Variants in TP63 observed in about 807,000 individuals in gnomAD.
TP63 encodes tumor protein p63, also known as tumor protein 63.
TP63 carries 17 observed loss-of-function variants against 82.8 expected under a neutral mutation model. That is an observed-to-expected ratio of 0.21 (90% CI 0.14 to 0.31). The LOEUF is 0.31. TP63 is among the 10% of genes least tolerant of loss of function. The pLI, the probability that TP63 is intolerant of heterozygous loss-of-function variation, is 1.00. For missense variants in TP63, 648 were observed against 895.3 expected (o/e 0.72, Z 3.52); for synonymous variants, 330 against 321.7 (o/e 1.03, Z -0.28).
chr3:189,704,268 A>G (rs1226099134), intron 1 of TP63, among the ~76,000 whole-genome samples: 3 of 152,116 alleles, frequency 2.0e-5, no homozygotes, highest in Non-Finnish European at 2.9e-5. Flanking sequence ...GGTTTGTGCT[A>G]TTTTTCTTTC....
intron 10 of TP63, among the ~76,000 whole-genome samples, chr3:189,876,468 T>G (rs891415579): frequency 3.9e-5 from 6 of 152,188 alleles, no homozygotes; most frequent in African/African-American, 1.4e-4. Context: ...ATATTTACAC[T>G]TTTTTGCATG....
chr3:189,634,449 C>CT (rs943488736), intron 1 of TP63, among the ~76,000 whole-genome samples: 25 of 142,182 alleles, frequency 1.8e-4, no homozygotes, highest in Non-Finnish European at 3.2e-4. Context: ...TAATCATTCT[C>CT]TAAGTTAAAA....
chr3:189,853,983 A>T (rs1373566068), intron 4 of TP63, among the ~76,000 whole-genome samples: 1 of 151,996 alleles, frequency 6.6e-6, no homozygotes, highest in Non-Finnish European at 1.5e-5. Context: ...CTTTCAATTT[A>T]TTTTATATTT....
At chr3:189,797,997 C>T (rs1342467698) in intron 3 of TP63, among the ~76,000 whole-genome samples, 1 of 151,980 alleles carries the variant, frequency 6.6e-6, no homozygotes, top group East Asian at 1.9e-4. Context: ...TTCCTCATTG[C>T]TCTCTGTGTA....
At chr3:189,717,724 A>C (rs147249518) in intron 1 of TP63, among the ~76,000 whole-genome samples, 3 of 152,324 alleles carry the variant, frequency 2.0e-5, no homozygotes, top group South Asian at 2.1e-4. Flanking sequence ...GCTTGAGGAT[A>C]TCTCTTCTGT....
At chr3:189,597,714 C>G in the TP63 span, among the ~76,000 whole-genome samples, 3 of 152,072 alleles carry the variant, frequency 2.0e-5, no homozygotes, top group Non-Finnish European at 4.4e-5. Context: ...TGCTTGAGTT[C>G]AGGAGTTCAA....
chr3:189,823,514 G>C (rs1194222851), intron 4 of TP63, among the ~76,000 whole-genome samples: 1 of 152,160 alleles, frequency 6.6e-6, no homozygotes, highest in Non-Finnish European at 1.5e-5. Context: ...ACTCACCAGG[G>C]GAAGGACAGA....
chr3:189,851,738 T>C (rs1292649575), intron 4 of TP63, among the ~76,000 whole-genome samples: 1 of 151,882 alleles, frequency 6.6e-6, no homozygotes, highest in Non-Finnish European at 1.5e-5. Flanking sequence ...CGGGCAGAAA[T>C]AAGTTGTGAA....
intron 3 of TP63, among the ~76,000 whole-genome samples, chr3:189,785,987 G>A (rs1724571400): frequency 6.6e-6 from 1 of 151,632 alleles, no homozygotes. Context: ...AAACAACCAT[G>A]GATCATAAAT....
intron 4 of TP63, among the ~76,000 whole-genome samples, chr3:189,825,472 T>C (rs763385550): frequency 6.6e-6 from 1 of 152,214 alleles, no homozygotes; most frequent in Admixed American, 6.5e-5. Context: ...TTAAATGTTC[T>C]TGGTAGAGAA....
chr3:189,789,672 A>C, intron 3 of TP63: 1 of 1,456,350 alleles, frequency 6.9e-7, no homozygotes, highest in East Asian at 2.8e-5. Context: ...AGAGAGAAAG[A>C]GAGAGAGGGA....
rs540455666 is a variant in TP63 at position 189,728,236 on chromosome 3, G to T, written c.63-9504G>T. 2.0e-5 allele frequency among the ~76,000 whole-genome samples: 3 copies of T among 151,584 alleles called. No individual in the cohort carries two copies. The East Asian group carries it at 5.8e-4, about 29-fold the overall frequency. ...GCCCTTTCTAGTTTTTCCCTTCTAC[G>T]GATCTGTCCAAAAAATAAAAAACAA... On this transcript the variant is annotated intron_variant, in intron 1 of 13. Transcript: ENST00000264731.
At chr3:189,737,004 G>T (rs1358267487) in intron 1 of TP63, among the ~76,000 whole-genome samples, 3 of 152,184 alleles carry the variant, frequency 2.0e-5, no homozygotes, top group Admixed American at 1.3e-4. Flanking sequence ...AGGAATAAAT[G>T]TTTGGAAAAA....
At chr3:189,772,010 T>A (rs1271163264) in intron 3 of TP63, among the ~76,000 whole-genome samples, 1 of 152,096 alleles carries the variant, frequency 6.6e-6, no homozygotes, top group African/African-American at 2.4e-5. Context: ...ATTGTAAGGG[T>A]TTGGAAACAC....
intron 1 of TP63, among the ~76,000 whole-genome samples, chr3:189,666,359 A>T (rs1420902911): frequency 6.6e-6 from 1 of 152,104 alleles, no homozygotes; most frequent in African/African-American, 2.4e-5. Flanking sequence ...AACCCCTGAG[A>T]TTGGTTACAC....
the TP63 span, among the ~76,000 whole-genome samples, chr3:189,619,652 A>G: frequency 6.6e-6 from 1 of 152,212 alleles, no homozygotes; most frequent in Admixed American, 6.5e-5. Context: ...ACAACTTAGC[A>G]GTAACCATAA....
At chr3:189,874,141 C>T (rs1718755968) in intron 10 of TP63, among the ~76,000 whole-genome samples, 2 of 152,124 alleles carry the variant, frequency 1.3e-5, no homozygotes. Flanking sequence ...ACTTTCTTGG[C>T]TCACTGCAAC....
chr3:189,641,756 T>TGG (rs1711900562), intron 1 of TP63, among the ~76,000 whole-genome samples: 1 of 152,186 alleles, frequency 6.6e-6, no homozygotes, highest in Admixed American at 6.6e-5. Context: ...ATTATTTCCT[T>TGG]GGGATAGTTC....
intron 4 of TP63, among the ~76,000 whole-genome samples, chr3:189,829,697 A>G (rs1178155990): frequency 1.3e-5 from 2 of 152,218 alleles, no homozygotes; most frequent in African/African-American, 2.4e-5. Flanking sequence ...CTCTTAAAGA[A>G]AAATAAAAAT....
Sources: gnomAD v4.1 joint callset for allele counts (sites outside exome capture counted in the v4.1 genomes callset) on GRCh38, gnomAD v4.1.1 for gene constraint, MANE v1.5 for transcripts, NCBI Gene and HGNC (gene_info 2026-07-23, HGNC 2026-07-21) for gene names.